ZNF34: variants seen among roughly 807,000 people sequenced by gnomAD.
ZNF34 encodes the protein zinc finger protein 34 (KOX 32).
In ZNF34, 8 loss-of-function variants were observed where a neutral mutation model predicts 14.4. The ratio of observed to expected loss-of-function variants is 0.55; its 90% CI spans 0.33 to 1.00. The LOEUF is 1.00. ZNF34 is among the 50% of genes least tolerant of loss of function. The pLI, the probability that ZNF34 is intolerant of heterozygous loss-of-function variation, is 0.03. For missense variants in ZNF34, 538 were observed against 674.2 expected, an observed-to-expected ratio of 0.80 and a Z score of 2.24; for synonymous variants, 235 against 247.9, an observed-to-expected ratio of 0.95 and a Z score of 0.49.
Position 144,773,418 on chromosome 8 carries a change from C to T in ZNF34, c.1468G>A (p.Ala490Thr). 6.2e-7 allele frequency: 1 copy of T among 1,613,970 alleles called. No individual in the cohort carries two copies. Among genetic ancestry groups the T allele is most frequent in the Non-Finnish European group, 8.5e-7 (1 of 1,179,992 alleles). Residue 490 changes from alanine (A) to threonine (T), a missense_variant, in exon 6 of 6, where the codon GCC (alanine) becomes ACC (threonine). Coordinates refer to ENST00000429371, the MANE Select transcript of ZNF34 (RefSeq NM_001286769.2). The surrounding 1 kb of genome is among the most constrained non-coding windows in gnomAD (Gnocchi z 5.4). ...ATCAAGTACGTGCTCTGGCTGAAGG[C>T]TTTCTTGCAATCGCTGCATCTGTAG... ...KPYRCSDCKK[A>T]FSQSTYLIQH...
intron 1 of ZNF34, among the ~76,000 whole-genome samples, chr8:144,783,362 A>G (rs1435809552): frequency 6.6e-6 from 1 of 152,226 alleles, no homozygotes; most frequent in Non-Finnish European, 1.5e-5. Flanking sequence ...GCTATTCAAC[A>G]TCCTAGCCAA....
rs1351301918 is a variant in ZNF34, at chr8:144,777,949, G to A, written c.160+89C>T. 3 of 1,552,232 alleles carry A rather than the reference G, an allele frequency of 1.9e-6. No homozygotes were observed. The East Asian group carries it at 7.1e-5, about 37-fold the overall frequency. On this transcript the variant is annotated intron_variant, in intron 4 of 5. Coordinates refer to ENST00000429371, the MANE Select transcript of ZNF34 (RefSeq NM_001286769.2). The surrounding 1 kb of genome is among the most constrained non-coding windows in gnomAD (Gnocchi z 4.8). ...GGGATAAAGGTCATCACCTATCTGT[G>A]CCCAGGGGGTGAGGCCCCTAGCCCA...
At position 144,773,768 on chromosome 8, in the gene ZNF34, T is replaced by G; in HGVS notation, c.1118A>C (p.Lys373Thr). Reference protein sequence around the residue: ...THTGEKPFECKECGKGFTQSS... With the variant: ...THTGEKPFECTECGKGFTQSS... ...TTGTGTAAAGCCTTTGCCACATTCC[T>G]TGCACTCAAATGGCTTCTCTCCGGT... The change falls in exon 6 of 6, where the codon AAG becomes ACG. Residue 373 changes from lysine (K) to threonine (T), a missense_variant. Around this residue, in one of 3 missense-constraint regions of ZNF34, gnomAD observed 431 missense variants for 525.7 expected, o/e 0.82. Coordinates refer to ENST00000429371, the MANE Select transcript of ZNF34 (RefSeq NM_001286769.2). This position sits in a 1 kb window ranked among gnomAD's most constrained non-coding sequence, Gnocchi z 5.4. The G allele has an allele frequency of 1.2e-6, 2 of 1,614,088 alleles. No homozygotes were observed. The highest frequency in any genetic ancestry group is 2.7e-5 in the African/African-American group (2 of 75,044).
intron 1 of ZNF34, among the ~76,000 whole-genome samples, chr8:144,782,665 CCT>C (rs1348941516): frequency 2.7e-5 from 4 of 149,542 alleles, no homozygotes; most frequent in Non-Finnish European, 5.9e-5. Flanking sequence ...TGGCAAAACC[CCT>C]CTCTACAAAA....
Position 144,778,073 on chromosome 8 carries a change from A to G in ZNF34, c.125T>C (p.Val42Ala). The change falls in exon 4 of 6, where the codon GTG (valine) becomes GCG (alanine). Residue 42 changes from valine to alanine, a missense_variant. This residue lies in a region of ZNF34 where 431 missense variants were observed against 525.7 expected (regional missense o/e 0.82). Transcript: ENST00000429371. ...GPAQRGLYRD[V>A]MLETYGNLVS... ...TAGGTTCCCGTAGGTCTCCAGCATCACGTCCCTGTAGAGGCCCCTCTGAGC... is the reference window on the plus strand; with the variant it reads ...TAGGTTCCCGTAGGTCTCCAGCATCGCGTCCCTGTAGAGGCCCCTCTGAGC... The G allele has an allele frequency of 6.2e-7, 1 of 1,614,006 alleles. No homozygotes were observed.
At chr8:144,783,333 G>C (rs1336194963) in intron 1 of ZNF34, among the ~76,000 whole-genome samples, 1 of 152,104 alleles carries the variant, frequency 6.6e-6, no homozygotes, top group Non-Finnish European at 1.5e-5. Context: ...ACAAGAGAGG[G>C]ACGTTCCCTC....
At chr8:144,774,796 C>T (rs953229302) in intron 5 of ZNF34, among the ~76,000 whole-genome samples, 191 bp from the exon 6 acceptor site, 1 of 152,210 alleles carries the variant, frequency 6.6e-6, no homozygotes, top group African/African-American at 2.4e-5. Flanking sequence ...GCCCTTCAAA[C>T]ATTCACTCCT....
chr8:144,774,291 T>C lies in ZNF34; in HGVS notation c.595A>G (p.Lys199Glu). 1 of 1,613,494 alleles carries C rather than the reference T, an allele frequency of 6.2e-7. No individual in the cohort carries two copies. The highest frequency in any genetic ancestry group is 8.5e-7 in the Non-Finnish European group (1 of 1,179,612). Residue 199 changes from lysine (K) to glutamate (E), a missense_variant, in exon 6 of 6, where the codon AAA (lysine) becomes GAA (glutamate). Transcript: ENST00000429371. ...GAGTTACGAACTGTATTTGTTTTTT[T>C]TGACCTGTGTACACGCTTATGGTTG... Reference protein sequence around the residue: ...LNNHKRVHRSKKTNTVRNSGE... With the variant: ...LNNHKRVHRSEKTNTVRNSGE...
chr8:144,781,862 T>C (rs1198097678), intron 1 of ZNF34, among the ~76,000 whole-genome samples: 1 of 152,210 alleles, frequency 6.6e-6, no homozygotes, highest in East Asian at 1.9e-4. Flanking sequence ...AGACTCATTT[T>C]AACAGGAAAG....
Position 144,777,041 on chromosome 8 carries a change from C to T in ZNF34, c.280+417G>A, listed in dbSNP as rs1825567063. ...TGAGATTCAGGGTGATGTGTAGTCTCTCACTTTTCCGCAGTGTATTAATTT... is the reference window on the plus strand; with the variant it reads ...TGAGATTCAGGGTGATGTGTAGTCTTTCACTTTTCCGCAGTGTATTAATTT... On this transcript the variant is annotated intron_variant, in intron 5 of 5. Coordinates refer to ENST00000429371, the MANE Select transcript of ZNF34 (RefSeq NM_001286769.2). The surrounding 1 kb of genome is among the most constrained non-coding windows in gnomAD (Gnocchi z 4.8). 6.6e-6 allele frequency among the ~76,000 whole-genome samples: 1 copy of T among 151,784 alleles called. No individual in the cohort carries two copies. The highest frequency in any genetic ancestry group is 1.5e-5 in the Non-Finnish European group (1 of 67,960).
At chr8:144,775,016 T>A (rs2130207824) in intron 5 of ZNF34, among the ~76,000 whole-genome samples, 1 of 152,184 alleles carries the variant, frequency 6.6e-6, no homozygotes, top group East Asian at 1.9e-4. Flanking sequence ...GAGCCTTGGT[T>A]TCTCCATCTG....
In ZNF34 at chr8:144,779,508, G is replaced by T. The variant is rs1044027836; in HGVS notation, c.-55+720C>A. ...CGTTGGCCCCCTGGACCCACCTTAA[G>T]TACTCTTAACCTGTCTTTTCTCATT... is the stretch of plus-strand genomic sequence containing the variant. On this transcript the variant is annotated intron_variant, in intron 2 of 5. Coordinates refer to ENST00000429371, the MANE Select transcript of ZNF34 (RefSeq NM_001286769.2). This position sits in a 1 kb window ranked among gnomAD's most constrained non-coding sequence, Gnocchi z 4.1. 3.3e-5 allele frequency among the ~76,000 whole-genome samples: 5 copies of T among 152,152 alleles called. No homozygotes were observed. Among genetic ancestry groups the T allele is most frequent in the Admixed American group, 6.5e-5 (1 of 15,276 alleles).
At chr8:144,784,674 C>T (rs1247955677) in intron 1 of ZNF34, among the ~76,000 whole-genome samples, 1 of 152,134 alleles carries the variant, frequency 6.6e-6, no homozygotes, top group East Asian at 1.9e-4. Flanking sequence ...AGGAGAATCG[C>T]TTGAACCCGG....
At chr8:144,778,016 T>C in intron 4 of ZNF34, 22 bp downstream of exon 4, 2 of 1,612,956 alleles carry the variant, frequency 1.2e-6, no homozygotes, top group Non-Finnish European at 1.7e-6. Context: ...TTCCCAGAGC[T>C]GAGTTCTGGT....
At chr8:144,783,857 C>T (rs1470640118) in intron 1 of ZNF34, among the ~76,000 whole-genome samples, 1 of 152,134 alleles carries the variant, frequency 6.6e-6, no homozygotes, top group Non-Finnish European at 1.5e-5. Flanking sequence ...GAAATAGTAA[C>T]GATCTAAGAT....
Position 144,773,749 on chromosome 8 carries a change from A to G in ZNF34, c.1137T>C (p.Phe379=). 1 of 1,613,980 alleles carries G rather than the reference A, an allele frequency of 6.2e-7. No homozygotes were observed. The highest frequency in any genetic ancestry group is 8.5e-7 in the Non-Finnish European group (1 of 1,179,934). Residue 379 remains phenylalanine (F), a synonymous_variant, in exon 6 of 6, where the codon TTT becomes TTC. Coordinates refer to ENST00000429371, the MANE Select transcript of ZNF34 (RefSeq NM_001286769.2). This position sits in a 1 kb window ranked among gnomAD's most constrained non-coding sequence, Gnocchi z 5.4. ...PFECKECGKG[F]TQSSNLIQHQ... is the part of the protein sequence containing the mutation. ...GTTGGATAAGGTTAGAACTTTGTGT[A>G]AAGCCTTTGCCACATTCCTTGCACT...
Position 144,774,452 on chromosome 8 carries a change from G to T in ZNF34, c.434C>A (p.Ala145Glu). Residue 145 changes from alanine (A) to glutamate (E), a missense_variant, in exon 6 of 6, where the codon GCA becomes GAA. This residue lies in a region of ZNF34 where 431 missense variants were observed against 525.7 expected (regional missense o/e 0.82). Transcript: ENST00000429371. ...GCTCTCCCCGTTGGTCAGTGTGACT[G>T]CCCTGGGGCCTCTCTGCTCCACTAG... ...EKLVEQRGPR[A>E]VTLTNGESSR... 1 of 1,613,960 alleles carries T rather than the reference G, an allele frequency of 6.2e-7. No homozygotes were observed. The highest frequency in any genetic ancestry group is 1.1e-5 in the South Asian group (1 of 91,090).
rs1052311995 is a variant in ZNF34, at chr8:144,773,647, G to A, written c.1239C>T (p.Leu413=). The change falls in exon 6 of 6, where the codon CTC becomes CTT. Residue 413 remains leucine (L), a synonymous_variant. Coordinates refer to ENST00000429371, the MANE Select transcript of ZNF34 (RefSeq NM_001286769.2). The surrounding 1 kb of genome is among the most constrained non-coding windows in gnomAD (Gnocchi z 5.4). ...CEKAFIQKTK[L]VEHQRSHTGE... is the part of the protein sequence containing the mutation. Reference sequence around the variant, plus strand: ...CAGTGTGGCTTCTCTGATGTTCCACGAGTTTGGTTTTTTGAATGAAAGCTT... The same window carrying A: ...CAGTGTGGCTTCTCTGATGTTCCACAAGTTTGGTTTTTTGAATGAAAGCTT... The A allele has an allele frequency of 2.5e-6, 4 of 1,613,922 alleles. No individual in the cohort carries two copies. The highest frequency in any genetic ancestry group is 1.3e-5 in the African/African-American group (1 of 74,900).
Position 144,777,472 on chromosome 8 carries a change from C to T in ZNF34, c.266G>A (p.Arg89Lys). Residue 89 changes from arginine to lysine, a missense_variant, in exon 5 of 6, where the codon AGA becomes AAA. Transcript: ENST00000429371. The surrounding 1 kb of genome is among the most constrained non-coding windows in gnomAD (Gnocchi z 4.8). ...VQGTSGKEHL[R>K]VNSPALGTRT... ...CCCTCACGCACCTGGGCTGTTGACT[C>T]TCAGGTGCTCTTTCCCAGAGGTGCC... 6.4e-7 allele frequency: 1 copy of T among 1,551,846 alleles called. No individual in the cohort carries two copies. The highest frequency in any genetic ancestry group is 8.7e-7 in the Non-Finnish European group (1 of 1,147,042).
Sources: gnomAD v4.1 joint callset for allele counts (sites outside exome capture counted in the v4.1 genomes callset) on GRCh38, gnomAD v4.1.1 for gene constraint, gnomAD v4.1.1 regional missense constraint, Gnocchi (gnomAD v3.1) non-coding constraint, MANE v1.5 for transcripts, NCBI Gene and HGNC (gene_info 2026-07-23, HGNC 2026-07-21) for gene names.